Variants in TRPC6 observed in about 807,000 individuals in gnomAD.
The protein encoded by TRPC6 is transient receptor potential cation channel subfamily C member 6, also known as short transient receptor potential channel 6.
A neutral mutation model predicts 90.7 loss-of-function variants in TRPC6; 55 were observed. That is an observed-to-expected ratio of 0.61 (90% CI 0.49 to 0.76). The LOEUF (loss-of-function observed/expected upper bound fraction) is 0.76, where lower values mean the gene tolerates loss of function less well. Ranked by LOEUF, TRPC6 falls within the 30% of genes least tolerant of loss-of-function variation. The pLI is 0.00. For missense variants in TRPC6, 989 were observed against 1,122.7 expected (o/e 0.88, Z 1.70); for synonymous variants, 393 against 393.0 (o/e 1.00, Z 0.00).
intron 2 of TRPC6, among the ~76,000 whole-genome samples, chr11:101,497,493 G>A (rs190777886): frequency 2.0e-4 from 30 of 152,166 alleles, no homozygotes; most frequent in African/African-American, 4.3e-4. Context: ...ACATAGCAAC[G>A]GTCTAAAAAC....
chr11:101,489,226 T>G (rs1278733850), intron 3 of TRPC6, 125 bp from the exon 4 acceptor site: 2 of 901,934 alleles, frequency 2.2e-6, no homozygotes, highest in African/African-American at 3.3e-5. Flanking sequence ...AGAACAAACA[T>G]AAAACATCAA....
rs1473445552 is a variant in TRPC6, at chr11:101,504,334, T to A, written c.635A>T (p.Asp212Val). ...CACATCATGGGAGAACCGTGTCCCATCTTCATCATAGGCATAAAAATCATC... is the reference window on the plus strand; with the variant it reads ...CACATCATGGGAGAACCGTGTCCCAACTTCATCATAGGCATAAAAATCATC... ...QQDDFYAYDE[D>V]GTRFSHDVTP... is the part of the protein sequence containing the mutation. Residue 212 changes from aspartate (D) to valine (V), a missense_variant, in exon 2 of 13, where the codon GAT becomes GTT. Asp to Val is a radical substitution (Grantham distance 152). Transcript: ENST00000344327. 6.2e-7 allele frequency: 1 copy of A among 1,614,030 alleles called. No individual in the cohort carries two copies. Among genetic ancestry groups the A allele is most frequent in the South Asian group, 1.1e-5 (1 of 91,082 alleles).
At position 101,452,208 on chromosome 11, in the gene TRPC6, CAT is replaced by C. The variant is rs1330049768; in HGVS notation, c.*745_*746del. ...TTTTAGTGACAATAAAAATTTATAA[CAT>C]AAAGAGCTTTTGTGTGTCCACATTA... On this transcript the variant is annotated 3_prime_UTR_variant, in exon 13 of 13. Transcript: ENST00000344327. 2.7e-5 allele frequency: 4 copies of C among 149,206 alleles called. No homozygotes were observed. Among genetic ancestry groups the C allele is most frequent in the Non-Finnish European group, 5.9e-5 (4 of 67,558 alleles). The allele number at this position is 149,206 out of a possible 1,614,324, so 9.2% of individuals were successfully genotyped here.
At chr11:101,500,214 C>CT (rs11417954) in intron 2 of TRPC6, among the ~76,000 whole-genome samples, 96 of 138,576 alleles carry the variant, frequency 6.9e-4, no homozygotes, top group Middle Eastern at 4.3e-3. Flanking sequence ...TTTTTTCTTT[C>CT]TTTTTTTTTT....
At chr11:101,489,280 T>C (rs1156867465) in intron 3 of TRPC6, among the ~76,000 whole-genome samples, 179 bp from the exon 4 acceptor site, 1 of 152,244 alleles carries the variant, frequency 6.6e-6, no homozygotes, top group Admixed American at 6.5e-5. Context: ...TAATATGTTT[T>C]ACATAAATTT....
intron 3 of TRPC6, among the ~76,000 whole-genome samples, chr11:101,489,555 A>G (rs1428609490): frequency 6.6e-6 from 1 of 152,042 alleles, no homozygotes. Context: ...CTGTCTCTGG[A>G]CTGCCTGTTT....
chr11:101,564,034 C>T (rs1456092258), intron 1 of TRPC6, among the ~76,000 whole-genome samples: 1 of 150,646 alleles, frequency 6.6e-6, no homozygotes, highest in East Asian at 1.9e-4. Context: ...CCCACCTCCC[C>T]AGTAAAGAAT....
intron 2 of TRPC6, among the ~76,000 whole-genome samples, chr11:101,496,480 A>G (rs999071244): frequency 1.9e-4 from 29 of 152,320 alleles, no homozygotes; most frequent in Middle Eastern, 3.4e-3. Context: ...GTTAATCGGC[A>G]CTATTCTATA....
chr11:101,558,197 A>G (rs571053848), intron 1 of TRPC6, among the ~76,000 whole-genome samples: 10 of 118,112 alleles, frequency 8.5e-5, no homozygotes, highest in Non-Finnish European at 1.5e-4. Flanking sequence ...ATACATATAT[A>G]TGTGTGTGTA....
intron 2 of TRPC6, among the ~76,000 whole-genome samples, chr11:101,496,954 C>G (rs1322314546): frequency 6.6e-6 from 1 of 152,192 alleles, no homozygotes; most frequent in Non-Finnish European, 1.5e-5. Context: ...TGAATAGACT[C>G]AATATCCTTC....
intron 12 of TRPC6, among the ~76,000 whole-genome samples, chr11:101,453,347 G>A (rs1268037569): frequency 3.3e-5 from 5 of 152,120 alleles, no homozygotes; most frequent in Non-Finnish European, 7.4e-5. Context: ...ACAAAAAGGT[G>A]GTGAATGATT....
chr11:101,466,189 G>A (rs1859140983), intron 10 of TRPC6, among the ~76,000 whole-genome samples: 3 of 152,132 alleles, frequency 2.0e-5, no homozygotes, highest in Admixed American at 2.0e-4. Context: ...AGGGGTCAGG[G>A]ACCCACTTGA....
At chr11:101,521,232 T>G (rs1179269757) in intron 1 of TRPC6, among the ~76,000 whole-genome samples, 1 of 151,594 alleles carries the variant, frequency 6.6e-6, no homozygotes, top group Non-Finnish European at 1.5e-5. Flanking sequence ...AGGACCCAGC[T>G]TCCTTGTGCA....
intron 10 of TRPC6, among the ~76,000 whole-genome samples, chr11:101,467,837 G>A (rs1362514833): frequency 2.6e-5 from 4 of 152,144 alleles, no homozygotes; most frequent in Non-Finnish European, 5.9e-5. Flanking sequence ...TGGCCTGAGG[G>A]CTATGGCTTG....
intron 1 of TRPC6, among the ~76,000 whole-genome samples, chr11:101,544,323 G>C (rs1251636176): frequency 6.6e-6 from 1 of 152,158 alleles, no homozygotes; most frequent in African/African-American, 2.4e-5. Flanking sequence ...ATAGTGTGGT[G>C]ATTCCTCAAG....
chr11:101,491,832 C>CTTTT, intron 2 of TRPC6, 94 bp from the exon 3 acceptor site: 7 of 568,358 alleles, frequency 1.2e-5, no homozygotes, highest in South Asian at 4.4e-5. Flanking sequence ...TTAAGAGAAA[C>CTTTT]ATTCTTTTTT....
intron 10 of TRPC6, among the ~76,000 whole-genome samples, chr11:101,465,044 C>T (rs1258573603): frequency 6.6e-6 from 1 of 152,158 alleles, no homozygotes; most frequent in Non-Finnish European, 1.5e-5. Context: ...TTCTCCTTCA[C>T]TTGTGAAGCT....
At chr11:101,511,248 T>C (rs1860386683) in intron 1 of TRPC6, among the ~76,000 whole-genome samples, 1 of 152,176 alleles carries the variant, frequency 6.6e-6, no homozygotes, top group African/African-American at 2.4e-5. Flanking sequence ...TTGCCCTGAC[T>C]ACTTAATCTC....
At chr11:101,512,442 G>A (rs746606856) in intron 1 of TRPC6, among the ~76,000 whole-genome samples, 4 of 152,172 alleles carry the variant, frequency 2.6e-5, no homozygotes, top group Non-Finnish European at 5.9e-5. Flanking sequence ...CAAACTGTGT[G>A]AGAGAATGAA....
Sources: allele counts gnomAD v4.1 joint callset (sites outside exome capture counted in the v4.1 genomes callset), GRCh38; gene constraint gnomAD v4.1.1; transcripts MANE v1.5; gene names NCBI Gene and HGNC (gene_info 2026-07-23, HGNC 2026-07-21).